The following ULK4 variants were observed in gnomAD, a reference collection of about 807,000 sequenced individuals.
ULK4 encodes inactive serine/threonine-protein kinase ULK4.
Under a neutral mutation model 160.6 loss-of-function variants are expected in ULK4, and 133 were observed. That is an observed-to-expected ratio of 0.83 (90% CI 0.72 to 0.96). ULK4 has a LOEUF of 0.96. ULK4 is among the 40% of genes least tolerant of loss of function. The probability of loss-of-function intolerance (pLI) is 0.00; values close to 1 mark genes in which losing one functional copy is unlikely to be tolerated. For missense variants in ULK4, 1,580 were observed against 1,499.5 expected, an observed-to-expected ratio of 1.05 and a Z score of -0.89; for synonymous variants, 534 against 539.8, an observed-to-expected ratio of 0.99 and a Z score of 0.15.
intron 34 of ULK4, among the ~76,000 whole-genome samples, chr3:41,416,022 A>T (rs1229704766): frequency 1.3e-5 from 2 of 152,210 alleles, no homozygotes; most frequent in African/African-American, 4.8e-5. Context: ...CCCCTCTAGG[A>T]AAAAATGTGG....
At chr3:41,697,514 A>G (rs938134290) in intron 27 of ULK4, among the ~76,000 whole-genome samples, 42 of 152,360 alleles carry the variant, frequency 2.8e-4, no homozygotes, top group African/African-American at 9.9e-4. Context: ...AATGAGTGTC[A>G]TTACAAAAGA....
intron 2 of ULK4, among the ~76,000 whole-genome samples, chr3:41,939,892 T>G (rs1464427360): frequency 6.6e-6 from 1 of 152,136 alleles, no homozygotes; most frequent in Non-Finnish European, 1.5e-5. Flanking sequence ...GCGCACTCCT[T>G]ATGAGAATCT....
chr3:41,574,343 C>G (rs1351743659), intron 31 of ULK4, among the ~76,000 whole-genome samples: 1 of 152,028 alleles, frequency 6.6e-6, no homozygotes, highest in Non-Finnish European at 1.5e-5. Context: ...TACTGCCTCC[C>G]TATTGTTCCC....
chr3:41,935,373 C>T (rs1025366533), intron 4 of ULK4, among the ~76,000 whole-genome samples: 10 of 151,910 alleles, frequency 6.6e-5, no homozygotes, highest in African/African-American at 2.4e-4. Context: ...ACTACAGGAG[C>T]GCACCACCAC....
At chr3:41,732,449 AAATAAT>A (rs1006688312) in intron 22 of ULK4, among the ~76,000 whole-genome samples, 2 of 152,010 alleles carry the variant, frequency 1.3e-5, no homozygotes, top group Non-Finnish European at 1.5e-5. Context: ...CTATTAACAA[AAATAAT>A]AATAATAATA....
At chr3:41,841,531 G>A (rs1012938976) in intron 17 of ULK4, among the ~76,000 whole-genome samples, 10 of 148,886 alleles carry the variant, frequency 6.7e-5, no homozygotes, top group South Asian at 4.3e-4. Context: ...CTGCCCAGCC[G>A]CCCTTCGTCT....
At chr3:41,571,920 G>A (rs1352087708) in intron 31 of ULK4, among the ~76,000 whole-genome samples, 2 of 152,200 alleles carry the variant, frequency 1.3e-5, no homozygotes, top group Admixed American at 6.5e-5. Context: ...TTGGGACAGG[G>A]TCAGGGGCCC....
At chr3:41,510,130 A>G (rs1294868357) in intron 32 of ULK4, among the ~76,000 whole-genome samples, 1 of 152,210 alleles carries the variant, frequency 6.6e-6, no homozygotes, top group Non-Finnish European at 1.5e-5. Context: ...ATAAATAAGT[A>G]GAAAAAGATA....
intron 19 of ULK4, among the ~76,000 whole-genome samples, chr3:41,800,579 A>G (rs1280835725): frequency 3.9e-5 from 6 of 152,228 alleles, no homozygotes; most frequent in Non-Finnish European, 2.9e-5. Flanking sequence ...TGATCACACC[A>G]CTACACACTA....
intron 21 of ULK4, 112 bp from the exon 22 acceptor site, chr3:41,754,600 T>C: frequency 1.1e-6 from 1 of 939,040 alleles, no homozygotes; most frequent in Non-Finnish European, 1.5e-6. Context: ...AGTAAAATAA[T>C]AACTACTGTT....
intron 32 of ULK4, among the ~76,000 whole-genome samples, chr3:41,470,743 T>A (rs1481500635): frequency 6.6e-6 from 1 of 152,202 alleles, no homozygotes; most frequent in African/African-American, 2.4e-5. Context: ...ACTGTAAAGC[T>A]GTATGCAAAG....
intron 22 of ULK4, among the ~76,000 whole-genome samples, chr3:41,724,681 C>A (rs2037588559): frequency 1.3e-5 from 2 of 152,062 alleles, no homozygotes; most frequent in Admixed American, 1.3e-4. Flanking sequence ...CAAGATTGCA[C>A]CACTGCACGC....
intron 5 of ULK4, among the ~76,000 whole-genome samples, chr3:41,929,716 T>G (rs533708594): frequency 1.3e-5 from 2 of 151,982 alleles, no homozygotes; most frequent in South Asian, 4.2e-4. Context: ...AGAGCCAAAT[T>G]ATGAGTGAAC....
rs181595873 is a variant in ULK4 at position 41,404,144 on chromosome 3, C to T, written c.3493-5880G>A. ...AATTTTTCTATATTCTTGATTTTTT[C>T]GTCTAGTTGTTCTATTAATTCCTAA... On this transcript the variant is annotated intron_variant, in intron 34 of 36. Coordinates refer to ENST00000301831, the MANE Select transcript of ULK4 (RefSeq NM_017886.4). Among the ~76,000 whole-genome samples the T allele has an allele frequency of 4.2e-3, 633 of 149,990 alleles. 1 individual carries two copies. The highest frequency in any genetic ancestry group is 0.015 in the African/African-American group (604 of 40,996).
chr3:41,751,223 G>A (rs1362529610), intron 22 of ULK4, among the ~76,000 whole-genome samples: 4 of 152,174 alleles, frequency 2.6e-5, no homozygotes, highest in Non-Finnish European at 2.9e-5. Context: ...CAGGAAGGTG[G>A]TGTAGTCTTT....
At chr3:41,919,138 A>C (rs1699082134) in intron 6 of ULK4, among the ~76,000 whole-genome samples, 1 of 152,198 alleles carries the variant, frequency 6.6e-6, no homozygotes, top group Non-Finnish European at 1.5e-5. Flanking sequence ...CACAATTGCA[A>C]GGCATCTTTA....
At chr3:41,341,664 G>A (rs974131683) in intron 35 of ULK4, among the ~76,000 whole-genome samples, 2 of 152,108 alleles carry the variant, frequency 1.3e-5, no homozygotes. Flanking sequence ...TGAAGAGCTC[G>A]GGGCTGCAGC....
chr3:41,825,688 G>A (rs1027906943), intron 18 of ULK4, among the ~76,000 whole-genome samples: 4 of 152,344 alleles, frequency 2.6e-5, no homozygotes, highest in Admixed American at 2.6e-4. Context: ...TCTGATTGGT[G>A]TACCTGAAAG....
At chr3:41,501,662 A>C (rs1396915061) in intron 32 of ULK4, among the ~76,000 whole-genome samples, 1 of 152,184 alleles carries the variant, frequency 6.6e-6, no homozygotes, top group Non-Finnish European at 1.5e-5. Flanking sequence ...TTTTGTAGCC[A>C]GAATAATTAA....
Sources: allele counts gnomAD v4.1 joint callset (sites outside exome capture counted in the v4.1 genomes callset), GRCh38; gene constraint gnomAD v4.1.1; transcripts MANE v1.5; gene names NCBI Gene and HGNC (gene_info 2026-07-23, HGNC 2026-07-21).